EXOC6: variants seen among roughly 807,000 people sequenced by gnomAD.
EXOC6 encodes the protein SEC15-like 1.
EXOC6 carries 60 observed loss-of-function variants against 112.5 expected under a neutral mutation model. The ratio of observed to expected loss-of-function variants is 0.53; its 90% CI spans 0.43 to 0.66. EXOC6 has a LOEUF of 0.66. EXOC6 is among the 30% of genes least tolerant of loss of function. The pLI, the probability that EXOC6 is intolerant of heterozygous loss-of-function variation, is 0.00. For missense variants in EXOC6, 855 were observed against 957.1 expected (o/e 0.89, Z 1.41); for synonymous variants, 295 against 308.0 (o/e 0.96, Z 0.44).
At chr10:92,968,227 C>T (rs1156751174) in intron 17 of EXOC6, among the ~76,000 whole-genome samples, 1 of 148,458 alleles carries the variant, frequency 6.7e-6, no homozygotes, top group Non-Finnish European at 1.5e-5. Context: ...CTCTGTCACC[C>T]AGGCTGCAGT....
chr10:92,827,228 C>G (rs1846399270), intron 1 of EXOC6, among the ~76,000 whole-genome samples: 1 of 151,584 alleles, frequency 6.6e-6, no homozygotes, highest in Non-Finnish European at 1.5e-5. Context: ...TAATCCCTCA[C>G]TTTGGGAGGC....
At chr10:92,988,025 TACTC>T (rs1843078413) in intron 18 of EXOC6, among the ~76,000 whole-genome samples, 1 of 152,210 alleles carries the variant, frequency 6.6e-6, no homozygotes, top group African/African-American at 2.4e-5. Context: ...ATATAATAAA[TACTC>T]AAAAAATATT....
At chr10:93,047,216 G>A (rs900581729) in intron 20 of EXOC6, among the ~76,000 whole-genome samples, 4 of 152,140 alleles carry the variant, frequency 2.6e-5, no homozygotes, top group African/African-American at 9.7e-5. Flanking sequence ...TCTGAACTAG[G>A]ACAGGCGTAG....
At chr10:92,975,954 T>G (rs1237070656) in intron 18 of EXOC6, among the ~76,000 whole-genome samples, 2 of 117,916 alleles carry the variant, frequency 1.7e-5, no homozygotes, top group Non-Finnish European at 1.8e-5. Flanking sequence ...AGCCGCCCCG[T>G]CCGGTAGGTG....
At chr10:92,884,187 C>G (rs185552351) in intron 1 of EXOC6, among the ~76,000 whole-genome samples, 7 of 152,302 alleles carry the variant, frequency 4.6e-5, no homozygotes, top group African/African-American at 1.7e-4. Flanking sequence ...GCTTGAGCCA[C>G]TGTGCCTGGC....
chr10:92,975,652 C>T (rs1435802289), intron 18 of EXOC6, among the ~76,000 whole-genome samples: 34 of 117,426 alleles, frequency 2.9e-4, no homozygotes, highest in Admixed American at 9.7e-4. Flanking sequence ...CCACCCCGTC[C>T]GGGAGGTGAG....
At chr10:92,997,400 A>G in intron 18 of EXOC6, 74 bp from the exon 19 acceptor site, 2 of 1,403,970 alleles carry the variant, frequency 1.4e-6, no homozygotes, top group South Asian at 1.4e-5. Flanking sequence ...CAGGTGTATG[A>G]TTTTTCTGAT....
chr10:92,839,550 A>T lies in EXOC6; in HGVS notation c.86+4726A>T, dbSNP rs1472396394. Reference sequence around the variant, plus strand: ...AGGATAGGGTAGTAGCAGTGTTCATAACATTTATTTACCATATTCACACTA... The same window carrying T: ...AGGATAGGGTAGTAGCAGTGTTCATTACATTTATTTACCATATTCACACTA... On this transcript the variant is annotated intron_variant, in intron 1 of 21. Transcript: ENST00000371552. Among the ~76,000 whole-genome samples the T allele has an allele frequency of 2.6e-5, 4 of 152,178 alleles. No individual in the cohort carries two copies. The East Asian group carries it at 7.7e-4, about 29-fold the overall frequency.
At chr10:92,935,675 C>G (rs1852299169) in intron 11 of EXOC6, 139 bp from the exon 12 acceptor site, 1 of 678,202 alleles carries the variant, frequency 1.5e-6, no homozygotes, top group Non-Finnish European at 2.5e-6. Context: ...GTGAATCTAA[C>G]CAACCAAAAT....
intron 1 of EXOC6, among the ~76,000 whole-genome samples, chr10:92,852,117 A>C (rs906995350): frequency 6.6e-6 from 1 of 152,232 alleles, no homozygotes; most frequent in African/African-American, 2.4e-5. Flanking sequence ...TACATTTGGC[A>C]ACTTAGCAGA....
intron 20 of EXOC6, among the ~76,000 whole-genome samples, chr10:93,030,218 T>G (rs1845210573): frequency 6.6e-6 from 1 of 152,056 alleles, no homozygotes. Context: ...TAGTTTTTTC[T>G]GTTTAGTAGA....
intron 20 of EXOC6, among the ~76,000 whole-genome samples, chr10:93,037,045 C>T (rs572253245): frequency 4.3e-4 from 66 of 152,014 alleles, no homozygotes; most frequent in Non-Finnish European, 9.1e-4. Context: ...ATGCAGTAAA[C>T]TAATGATTAA....
At position 92,997,543 on chromosome 10, in the gene EXOC6, C is replaced by T. The variant is rs1405474343; in HGVS notation, c.2023C>T (p.Leu675=). ...HLSTSLMQML[L]DSELKQISMG... ...GTCAACATCCTTAATGCAGATGCTA[C>T]TGGACAGTGAGTTAAAACAAATAAG... The change falls in exon 19 of 22, where the codon CTG becomes TTG. Residue 675 remains leucine (L), a synonymous_variant. Coordinates refer to ENST00000260762, the MANE Select transcript of EXOC6 (RefSeq NM_019053.6). 3 of 1,613,648 alleles carry T rather than the reference C, an allele frequency of 1.9e-6. No homozygotes were observed. Among genetic ancestry groups the T allele is most frequent in the Non-Finnish European group, 2.5e-6 (3 of 1,179,688 alleles).
At chr10:92,868,777 C>T (rs1229937328) in intron 1 of EXOC6, among the ~76,000 whole-genome samples, 4 of 150,098 alleles carry the variant, frequency 2.7e-5, no homozygotes, top group Admixed American at 2.0e-4. Context: ...TGGGCCCTCC[C>T]TTCCTTCCTC....
chr10:93,031,534 CAG>C (rs757571659), intron 20 of EXOC6, among the ~76,000 whole-genome samples: 7 of 112,370 alleles, frequency 6.2e-5, no homozygotes, highest in Non-Finnish European at 8.6e-5. Flanking sequence ...TTTTTTTGAG[CAG>C]AGTCTTCGCT....
intron 1 of EXOC6, among the ~76,000 whole-genome samples, chr10:92,876,097 G>C: frequency 6.6e-6 from 1 of 151,890 alleles, no homozygotes; most frequent in East Asian, 1.9e-4. Context: ...ACTCTGTAAG[G>C]TAATTCTTTA....
At chr10:92,911,253 T>C (rs1406359726) in intron 6 of EXOC6, among the ~76,000 whole-genome samples, 3 of 152,194 alleles carry the variant, frequency 2.0e-5, no homozygotes, top group Admixed American at 2.0e-4. Flanking sequence ...TGGAAACTCC[T>C]AAGTCTTTCT....
intron 8 of EXOC6, among the ~76,000 whole-genome samples, chr10:92,927,507 T>C (rs1293599150): frequency 6.6e-6 from 1 of 152,218 alleles, no homozygotes; most frequent in East Asian, 1.9e-4. Context: ...TAGTTATATG[T>C]AGTTACTAAA....
intron 20 of EXOC6, among the ~76,000 whole-genome samples, chr10:93,016,429 C>G (rs1031331037): frequency 3.1e-4 from 47 of 152,166 alleles, no homozygotes; most frequent in African/African-American, 1.1e-3. Flanking sequence ...GTATAAGCCA[C>G]AGCGCCCAAC....
Sources: allele counts gnomAD v4.1 joint callset (sites outside exome capture counted in the v4.1 genomes callset), GRCh38; gene constraint gnomAD v4.1.1; transcripts MANE v1.5; gene names NCBI Gene and HGNC (gene_info 2026-07-23, HGNC 2026-07-21).